The following MCM7 variants were observed in gnomAD, a reference collection of about 807,000 sequenced individuals.
The protein encoded by MCM7 is minichromosome maintenance complex component 7.
A neutral mutation model predicts 83.5 loss-of-function variants in MCM7; 95 were observed. That is an observed-to-expected ratio of 1.14 (90% confidence interval 0.96 to 1.35). The LOEUF is 1.35. Among genes scored for constraint, MCM7 ranks in the 40% most tolerant of loss-of-function variants. MCM7 has a pLI of 0.00. For synonymous variants in MCM7, 461 were observed against 352.7 expected, an observed-to-expected ratio of 1.31 and a Z score of -3.44; for missense variants, 1,087 against 957.4, an observed-to-expected ratio of 1.14 and a Z score of -1.79.
In MCM7 at chr7:100,097,917, T is replaced by C; in HGVS notation, c.902A>G (p.His301Arg). ...ACTCTTGTTCATCTTCACAATCCGA[T>C]GGGCTTCCAGGTAGGTTTCTGAGAG... ...GLLSETYLEA[H>R]RIVKMNKSED... Residue 301 changes from histidine to arginine, a missense_variant, in exon 8 of 15, where the codon CAT becomes CGT. His to Arg is a conservative substitution (Grantham distance 29). Transcript: ENST00000303887. 1.9e-6 allele frequency: 3 copies of C among 1,614,196 alleles called. No homozygotes were observed. The highest frequency in any genetic ancestry group is 2.5e-6 in the Non-Finnish European group (3 of 1,180,032).
intron 10 of MCM7, among the ~76,000 whole-genome samples, chr7:100,096,434 T>G (rs946903555): frequency 6.6e-6 from 1 of 152,162 alleles, no homozygotes; most frequent in Non-Finnish European, 1.5e-5. Context: ...CCCAAGTAAC[T>G]GAGACTATAG....
At chr7:100,098,092 G>C (rs760493743) in intron 7 of MCM7, 49 bp downstream of exon 7, 1 of 1,603,114 alleles carries the variant, frequency 6.2e-7, no homozygotes, top group South Asian at 1.1e-5. Context: ...AGAATGAGTA[G>C]GTGAGGGAAA....
At chr7:100,093,908 TG>T in intron 13 of MCM7, 1 of 686,566 alleles carries the variant, frequency 1.5e-6, no homozygotes, top group Non-Finnish European at 2.8e-6. Context: ...CTAGGACACA[TG>T]GAGTGAAACA....
chr7:100,096,214 G>A (rs747409326), intron 10 of MCM7, 47 bp from the exon 11 acceptor site: 9 of 1,514,726 alleles, frequency 5.9e-6, no homozygotes, highest in Admixed American at 2.2e-5. Context: ...GAACAAGAAA[G>A]AGAACAAGCA....
At chr7:100,095,310 TA>T in intron 12 of MCM7, 76 bp downstream of exon 12, 1 of 1,290,740 alleles carries the variant, frequency 7.7e-7, no homozygotes, top group Non-Finnish European at 1.1e-6. Context: ...ACACACACCC[TA>T]AGACTAATAA....
Position 100,094,336 on chromosome 7 carries a change from T to C in MCM7, c.1685A>G (p.Tyr562Cys), listed in dbSNP as rs766988175. The C allele has an allele frequency of 1.2e-6, 2 of 1,614,040 alleles. No homozygotes were observed. Among genetic ancestry groups the C allele is most frequent in the East Asian group, 2.2e-5 (1 of 44,890 alleles). ...EPLDMKLMRR[Y>C]IAMCREKQPM... The stretch of plus-strand genomic sequence containing the variant: ...CTGCTTCTCGCGGCACATGGCTATG[T>C]AACGCCTGTGGGGGAAGGTTCATGG... The change falls in exon 13 of 15, where the codon TAC (tyrosine) becomes TGC (cysteine). Residue 562 changes from tyrosine (Y) to cysteine (C), a missense_variant. Transcript: ENST00000303887.
Position 100,097,365 on chromosome 7 carries a change from C to T in MCM7, c.1137G>A (p.Leu379=). The change falls in exon 10 of 15, where the codon CTG becomes CTA. Residue 379 remains leucine, a synonymous_variant. Coordinates refer to ENST00000303887, the MANE Select transcript of MCM7 (RefSeq NM_005916.5). ...ACTTGGCCACACCAGGATCCCCCAT[C>T]AGACAGATGTTGATGTTGCCTGGAG... The part of the protein sequence containing the change: ...MKIRGNINIC[L]MGDPGVAKSQ... 1 of 1,614,196 alleles carries T rather than the reference C, an allele frequency of 6.2e-7. No homozygotes were observed. The highest frequency in any genetic ancestry group is 1.1e-5 in the South Asian group (1 of 91,084).
chr7:100,095,910 C>A lies in MCM7; in HGVS notation c.1459G>T (p.Ala487Ser), dbSNP rs1240218162. ...TLNARCSILA[A>S]ANPAYGRYNP... ...TAGCGCCCGTAGGCAGGGTTGGCGG[C>A]AGCCAGGATGGAGCAGCGGGCATTG... Residue 487 changes from alanine to serine, a missense_variant, in exon 11 of 15, where the codon GCC (alanine) becomes TCC (serine). Ala to Ser is a moderately conservative substitution (Grantham distance 99). Coordinates refer to ENST00000303887, the MANE Select transcript of MCM7 (RefSeq NM_005916.5). 1.2e-6 allele frequency: 2 copies of A among 1,613,910 alleles called. No individual in the cohort carries two copies. Among genetic ancestry groups the A allele is most frequent in the Non-Finnish European group, 1.7e-6 (2 of 1,180,018 alleles).
At chr7:100,096,967 G>T (rs1042764447) in intron 10 of MCM7, among the ~76,000 whole-genome samples, 2 of 152,074 alleles carry the variant, frequency 1.3e-5, no homozygotes, top group Non-Finnish European at 2.9e-5. Context: ...CAGGCGTGGT[G>T]GCGGGCGCCT....
chr7:100,097,525 T>C, intron 9 of MCM7, 89 bp downstream of exon 9: 1 of 1,598,286 alleles, frequency 6.3e-7, no homozygotes, highest in East Asian at 2.2e-5. Context: ...AGATGTCCAC[T>C]CATACTGTGA....
intron 13 of MCM7, chr7:100,093,762 C>T (rs1286724777): frequency 2.8e-5 from 17 of 615,840 alleles, no homozygotes; most frequent in South Asian, 9.9e-5. Context: ...GCAGAGAGAA[C>T]GTGTCCCGGG....
Position 100,099,721 on chromosome 7 carries a change from C to G in MCM7, c.144G>C (p.Leu48=), listed in dbSNP as rs199952542. The G allele has an allele frequency of 2.0e-5, 32 of 1,614,032 alleles. No homozygotes were observed. In the Middle Eastern group the frequency reaches 1.5e-3, roughly 75 times the overall value. ...VRLAHREQVA[L]YVDLDDVAED... The stretch of plus-strand genomic sequence containing the variant: ...CGGCTACGTCGTCCAGGTCCACATA[C>G]AGAGCCACCTGTTCCCGATGAGCCA... The change falls in exon 3 of 15, where the codon CTG becomes CTC. Residue 48 remains leucine (L), a synonymous_variant. Coordinates refer to ENST00000303887, the MANE Select transcript of MCM7 (RefSeq NM_005916.5).
intron 4 of MCM7, 34 bp downstream of exon 4, chr7:100,099,243 CCA>C: frequency 6.2e-7 from 1 of 1,614,038 alleles, no homozygotes; most frequent in Non-Finnish European, 8.5e-7. Context: ...TCCTGGAGAA[CCA>C]ATCCCTACAT....
intron 6 of MCM7, 72 bp downstream of exon 6, chr7:100,098,505 CA>C: frequency 6.3e-7 from 1 of 1,589,966 alleles, no homozygotes. Context: ...TTCTTCCTGC[CA>C]TTCCACAAGT....
At chr7:100,099,254 A>G (rs775433474) in intron 4 of MCM7, 25 bp downstream of exon 4, 11 of 1,613,988 alleles carry the variant, frequency 6.8e-6, no homozygotes, top group Non-Finnish European at 5.1e-6. Context: ...CAATCCCTAC[A>G]TCTTTCCCGA....
intron 13 of MCM7, chr7:100,093,869 G>A (rs768834924): frequency 4.3e-5 from 28 of 652,426 alleles, no homozygotes; most frequent in African/African-American, 7.1e-5. Flanking sequence ...AAGACGGGAG[G>A]ACAGAAAGGA....
At chr7:100,098,790 A>G (rs1795778698) in intron 5 of MCM7, 75 bp from the exon 6 acceptor site, 6 of 1,573,876 alleles carry the variant, frequency 3.8e-6, no homozygotes, top group South Asian at 3.4e-5. Context: ...TTTGAATCAC[A>G]TTTTCTCTTC....
intron 11 of MCM7, 82 bp from the exon 12 acceptor site, chr7:100,095,552 G>T: frequency 1.4e-6 from 2 of 1,413,556 alleles, no homozygotes; most frequent in Non-Finnish European, 2.0e-6. Context: ...CTTTGGCTCT[G>T]CCACTTCCTC....
In MCM7 at chr7:100,095,798, C is replaced by T. The variant is rs777461707; in HGVS notation, c.1571G>A (p.Arg524Gln). Residue 524 changes from arginine to glutamine, a missense_variant, in exon 11 of 15, where the codon CGG becomes CAG. By Grantham distance (43) the Arg-to-Gln change is conservative (BLOSUM62 1). Transcript: ENST00000303887. The stretch of plus-strand genomic sequence containing the variant: ...CCGTAGGTCATTGTCTCGGTCGGGC[C>T]GGTCCTGAATCAGCCAGAGGAGGTC... ...RFDLLWLIQD[R>Q]PDRDNDLRLA... is the part of the protein sequence containing the mutation. 83 of 1,593,250 alleles carry T rather than the reference C, an allele frequency of 5.2e-5. 1 individual carries two copies. Among genetic ancestry groups the T allele is most frequent in the Admixed American group, 8.4e-5 (5 of 59,300 alleles).
Sources: allele counts gnomAD v4.1 joint callset (sites outside exome capture counted in the v4.1 genomes callset), GRCh38; gene constraint gnomAD v4.1.1; transcripts MANE v1.5; gene names NCBI Gene and HGNC (gene_info 2026-07-23, HGNC 2026-07-21).